FAM193A: variants seen among roughly 807,000 people sequenced by gnomAD.
FAM193A encodes protein FAM193A.
FAM193A carries 22 observed loss-of-function variants against 126.5 expected under a neutral mutation model. That is an observed-to-expected ratio of 0.17 (90% CI 0.12 to 0.25). The LOEUF (loss-of-function observed/expected upper bound fraction) is 0.25, where lower values mean the gene tolerates loss of function less well. FAM193A is among the 10% of genes least tolerant of loss of function. The pLI is 1.00. For synonymous variants in FAM193A, 761 were observed against 646.8 expected (o/e 1.18, Z -2.68); for missense variants, 1,675 against 1,672.8 (o/e 1.00, Z -0.02).
intron 2 of FAM193A, among the ~76,000 whole-genome samples, chr4:2,602,956 G>T (rs1439668277): frequency 1.7e-5 from 2 of 115,682 alleles, no homozygotes; most frequent in Non-Finnish European, 3.3e-5. Flanking sequence ...CACTGCACCC[G>T]GCCTTTTTTT....
chr4:2,544,283 G>A (rs1737416406), intron 1 of FAM193A, among the ~76,000 whole-genome samples: 1 of 152,206 alleles, frequency 6.6e-6, no homozygotes, highest in African/African-American at 2.4e-5. Flanking sequence ...AATATAGGTT[G>A]GCACAGTGGC....
At chr4:2,625,660 A>T in intron 3 of FAM193A, 2 of 217,256 alleles carry the variant, frequency 9.2e-6, no homozygotes, top group South Asian at 1.5e-4. Flanking sequence ...GAGAGGAGCG[A>T]TGGGGGAGAG....
chr4:2,720,709 A>T (rs1720042186), intron 20 of FAM193A, among the ~76,000 whole-genome samples: 1 of 152,158 alleles, frequency 6.6e-6, no homozygotes, highest in Non-Finnish European at 1.5e-5. Context: ...TTGGAAATGT[A>T]GCTCAAAAGA....
In FAM193A at chr4:2,639,509, G is replaced by C. The variant is rs144379993; in HGVS notation, c.1039-226G>C. ...CTTCTAAACTTGCCATTTTAGAGGG[G>C]AGATGTGCTGAAATCCATGTCCGTG... On this transcript the variant is annotated intron_variant, in intron 5 of 20. Transcript: ENST00000637812. Among the ~76,000 whole-genome samples, 430 of 152,152 alleles carry C rather than the reference G, an allele frequency of 2.8e-3. 1 individual carries two copies. Among genetic ancestry groups the C allele is most frequent in the African/African-American group, 7.8e-3 (324 of 41,496 alleles).
chr4:2,604,777 C>A (rs371981004), intron 2 of FAM193A, among the ~76,000 whole-genome samples: 3 of 113,734 alleles, frequency 2.6e-5, no homozygotes, highest in Admixed American at 1.7e-4. Flanking sequence ...TGCTTTTTTT[C>A]TTTTTTCTTT....
At chr4:2,618,209 C>T (rs1427604519) in intron 2 of FAM193A, among the ~76,000 whole-genome samples, 2 of 152,174 alleles carry the variant, frequency 1.3e-5, no homozygotes, top group African/African-American at 4.8e-5. Flanking sequence ...TGATGGGCCT[C>T]AGCGTGCTTT....
chr4:2,595,438 G>T (rs1360145240), intron 1 of FAM193A, among the ~76,000 whole-genome samples: 2 of 152,222 alleles, frequency 1.3e-5, no homozygotes, highest in Admixed American at 6.5e-5. Context: ...AGGTTTTAAG[G>T]TATAACAATC....
intron 1 of FAM193A, among the ~76,000 whole-genome samples, chr4:2,579,354 C>T (rs1030699934): frequency 1.3e-5 from 2 of 151,582 alleles, no homozygotes; most frequent in Admixed American, 1.3e-4. Flanking sequence ...AAAAAATTAG[C>T]CAGGTGTGGT....
intron 1 of FAM193A, among the ~76,000 whole-genome samples, chr4:2,583,077 T>C (rs1740044538): frequency 6.6e-6 from 1 of 152,202 alleles, no homozygotes; most frequent in Non-Finnish European, 1.5e-5. Flanking sequence ...CAAGCGATTC[T>C]CCTGCCTCAG....
chr4:2,691,399 T>G (rs1716363085), intron 15 of FAM193A, among the ~76,000 whole-genome samples: 1 of 152,174 alleles, frequency 6.6e-6, no homozygotes, highest in Non-Finnish European at 1.5e-5. Context: ...TATTTTTTGG[T>G]AGAGACGGGG....
At chr4:2,625,127 C>A in intron 2 of FAM193A, 135 bp from the exon 3 acceptor site, 1 of 570,380 alleles carries the variant, frequency 1.8e-6, no homozygotes, top group Non-Finnish European at 3.1e-6. Flanking sequence ...GCCACTGTAT[C>A]TGGCCAAGAT....
chr4:2,580,470 G>C (rs998246833), intron 1 of FAM193A, among the ~76,000 whole-genome samples: 22 of 152,260 alleles, frequency 1.4e-4, no homozygotes, highest in African/African-American at 4.3e-4. Flanking sequence ...TGCTGCACAT[G>C]TACCCCCAAA....
intron 2 of FAM193A, chr4:2,608,209 G>T: frequency 7.4e-7 from 1 of 1,342,938 alleles, no homozygotes. Flanking sequence ...TTTCGAGACG[G>T]TCGGTCTCGC....
At chr4:2,566,045 A>G (rs1379168634) in intron 1 of FAM193A, among the ~76,000 whole-genome samples, 3 of 150,326 alleles carry the variant, frequency 2.0e-5, no homozygotes, top group Non-Finnish European at 2.9e-5. Context: ...AATGAGTGGA[A>G]AATTGCTTTT....
At chr4:2,634,022 G>C (rs1028624688) in intron 5 of FAM193A, among the ~76,000 whole-genome samples, 1 of 152,234 alleles carries the variant, frequency 6.6e-6, no homozygotes, top group Non-Finnish European at 1.5e-5. Flanking sequence ...AGCATTTGCT[G>C]TGGGTATTTC....
chr4:2,553,413 A>G (rs1738066727), intron 1 of FAM193A, among the ~76,000 whole-genome samples: 1 of 130,332 alleles, frequency 7.7e-6, no homozygotes, highest in South Asian at 2.3e-4. Context: ...GCGGAGTCTC[A>G]CACTGTCGCC....
chr4:2,567,227 C>T (rs1739021936), intron 1 of FAM193A, among the ~76,000 whole-genome samples: 1 of 151,540 alleles, frequency 6.6e-6, no homozygotes, highest in African/African-American at 2.4e-5. Flanking sequence ...GGATTACAGG[C>T]GTGAGCCACC....
chr4:2,726,046 C>T (rs1720712298), intron 20 of FAM193A, among the ~76,000 whole-genome samples: 1 of 152,130 alleles, frequency 6.6e-6, no homozygotes, highest in African/African-American at 2.4e-5. Context: ...CTACAGGCGC[C>T]CGCCACCACG....
chr4:2,600,323 C>T (rs927143499), intron 2 of FAM193A, among the ~76,000 whole-genome samples: 4 of 152,218 alleles, frequency 2.6e-5, no homozygotes, highest in African/African-American at 7.2e-5. Context: ...GTGGCTCTTC[C>T]GTGGCTCTCA....
Sources: gnomAD v4.1 joint callset for allele counts (sites outside exome capture counted in the v4.1 genomes callset) on GRCh38, gnomAD v4.1.1 for gene constraint, MANE v1.5 for transcripts, NCBI Gene and HGNC (gene_info 2026-07-23, HGNC 2026-07-21) for gene names.